The following RSU1 variants were observed in gnomAD, a reference collection of about 807,000 sequenced individuals.
The protein encoded by RSU1 is Ras suppressor protein 1, also known as rsu-1.
Under a neutral mutation model 31.1 loss-of-function variants are expected in RSU1, and 26 were observed. The observed-to-expected ratio is 0.84, with a 90% CI of 0.61 to 1.16. The LOEUF (loss-of-function observed/expected upper bound fraction) is 1.16. Ranked by LOEUF, RSU1 falls within the 50% of genes most tolerant of loss-of-function variation. The probability of loss-of-function intolerance (pLI) is 0.00; values close to 1 mark genes in which losing one functional copy is unlikely to be tolerated. For missense variants in RSU1, 320 were observed against 339.1 expected, an observed-to-expected ratio of 0.94 and a Z score of 0.44; for synonymous variants, 164 against 136.3, an observed-to-expected ratio of 1.20 and a Z score of -1.41.
At chr10:16,814,619 G>C (rs564025849) in intron 2 of RSU1, among the ~76,000 whole-genome samples, 2 of 152,136 alleles carry the variant, frequency 1.3e-5, no homozygotes, top group Non-Finnish European at 2.9e-5. Flanking sequence ...CCTAGGCTCC[G>C]AGAAGTCCTG....
chr10:16,674,697 T>G lies in RSU1; in HGVS notation c.731+20326A>C, dbSNP rs183677658. On this transcript the variant is annotated intron_variant, in intron 8 of 8. Coordinates refer to ENST00000345264, the MANE Select transcript of RSU1 (RefSeq NM_012425.4). ...AACTTTGCTGAGATGGCATTTGAAC[T>G]GAAACTTGAATGAGATAAGACAGCA... 3.9e-5 allele frequency among the ~76,000 whole-genome samples: 6 copies of G among 152,202 alleles called. No homozygotes were observed. In the East Asian group the frequency reaches 1.2e-3, roughly 29 times the overall value.
chr10:16,693,817 G>T (rs773168549), intron 8 of RSU1, among the ~76,000 whole-genome samples: 1 of 152,088 alleles, frequency 6.6e-6, no homozygotes, highest in Non-Finnish European at 1.5e-5. Flanking sequence ...AGCCGTGATT[G>T]TGCCACTGCA....
At position 16,592,971 on chromosome 10, in the gene RSU1, GAAGGAA is replaced by G; in HGVS notation, c.*417_*422del. On this transcript the variant is annotated 3_prime_UTR_variant, in exon 9 of 9. Transcript: ENST00000345264. Reference sequence around the variant, plus strand: ...AGTTAAATTAGCATATCTCGGTGGTGAAGGAAGACTTTTAATAAAGCAAAATAATGA... The same window carrying G: ...AGTTAAATTAGCATATCTCGGTGGTGGACTTTTAATAAAGCAAAATAATGA... 3 of 149,582 alleles carry G rather than the reference GAAGGAA, an allele frequency of 2.0e-5. No homozygotes were observed. The highest frequency in any genetic ancestry group is 2.2e-4 in the South Asian group (1 of 4,620). The allele number at this position is 149,582 out of a possible 1,614,324, so 9.3% of individuals were successfully genotyped here.
intron 7 of RSU1, among the ~76,000 whole-genome samples, chr10:16,741,393 A>G (rs1325781065): frequency 6.6e-6 from 1 of 152,234 alleles, no homozygotes; most frequent in African/African-American, 2.4e-5. Context: ...GGAGTGGGAA[A>G]GAAAAGGGTA....
chr10:16,692,016 C>G (rs1354561464), intron 8 of RSU1, among the ~76,000 whole-genome samples: 1 of 152,098 alleles, frequency 6.6e-6, no homozygotes, highest in African/African-American at 2.4e-5. Context: ...ACAATTCACC[C>G]CAAAGTGCTG....
intron 2 of RSU1, among the ~76,000 whole-genome samples, chr10:16,795,552 G>A (rs1199391306): frequency 6.6e-6 from 1 of 151,980 alleles, no homozygotes; most frequent in East Asian, 1.9e-4. Flanking sequence ...AGACACAAGA[G>A]GTTATGTAAC....
intron 3 of RSU1, among the ~76,000 whole-genome samples, chr10:16,781,534 CA>C (rs779393354): frequency 2.6e-5 from 4 of 152,350 alleles, no homozygotes; most frequent in Non-Finnish European, 4.4e-5. Flanking sequence ...CTTGTTCTAA[CA>C]ATTTCAAGTT....
At chr10:16,639,122 G>A (rs1212843232) in intron 8 of RSU1, among the ~76,000 whole-genome samples, 3 of 152,188 alleles carry the variant, frequency 2.0e-5, no homozygotes, top group Admixed American at 1.3e-4. Context: ...TCATGTAAAT[G>A]GAACTTCTGA....
intron 8 of RSU1, among the ~76,000 whole-genome samples, chr10:16,665,048 AT>A (rs1834962985): frequency 6.6e-6 from 1 of 152,082 alleles, no homozygotes; most frequent in African/African-American, 2.4e-5. Context: ...GGTTTAAGCA[AT>A]TCTCCTGCTT....
intron 3 of RSU1, among the ~76,000 whole-genome samples, chr10:16,767,778 G>A (rs1432172846): frequency 1.3e-5 from 2 of 151,940 alleles, no homozygotes; most frequent in South Asian, 2.1e-4. Flanking sequence ...GGAGAGGCAT[G>A]TTATTTAAAG....
At position 16,645,877 on chromosome 10, in the gene RSU1, T is replaced by C. The variant is rs373856987; in HGVS notation, c.731+49146A>G. ...AAATATATACGTATATATACATATA[T>C]GTGTATATACATATATGTATATACA... On this transcript the variant is annotated intron_variant, in intron 8 of 8. Coordinates refer to ENST00000345264, the MANE Select transcript of RSU1 (RefSeq NM_012425.4). Among the ~76,000 whole-genome samples, 47 of 108,048 alleles carry C rather than the reference T, an allele frequency of 4.3e-4. 7 individuals carry two copies. The East Asian group carries it at 5.8e-3, about 13-fold the overall frequency. The allele number at this position is 108,048 out of a possible 152,430, so 70.9% of individuals were successfully genotyped here. A position where few individuals can be genotyped will look rare whatever the true frequency, so the allele number is the denominator to read the frequency against.
chr10:16,596,537 G>A (rs1425202417), intron 8 of RSU1, among the ~76,000 whole-genome samples: 1 of 152,120 alleles, frequency 6.6e-6, no homozygotes, highest in African/African-American at 2.4e-5. Flanking sequence ...CCCCTCACCT[G>A]GCAGGAAGCA....
chr10:16,597,809 G>C (rs887913622), intron 8 of RSU1, among the ~76,000 whole-genome samples: 2 of 152,254 alleles, frequency 1.3e-5, no homozygotes, highest in African/African-American at 4.8e-5. Flanking sequence ...AACTAAGACA[G>C]AGCTAAATGC....
At chr10:16,699,587 G>A (rs940518804) in intron 7 of RSU1, among the ~76,000 whole-genome samples, 40 of 152,354 alleles carry the variant, frequency 2.6e-4, no homozygotes, top group Middle Eastern at 3.4e-3. Context: ...TGAGTTAGGA[G>A]CCCTCACCCA....
chr10:16,803,071 A>G (rs1472331867), intron 2 of RSU1, among the ~76,000 whole-genome samples: 1 of 152,138 alleles, frequency 6.6e-6, no homozygotes, highest in African/African-American at 2.4e-5. Context: ...TGCAGATTGG[A>G]AAGGATGAAT....
At chr10:16,763,415 AGC>A (rs1008114595) in intron 4 of RSU1, among the ~76,000 whole-genome samples, 4 of 152,180 alleles carry the variant, frequency 2.6e-5, no homozygotes, top group Non-Finnish European at 5.9e-5. Flanking sequence ...GGAGCAAGAC[AGC>A]ACAAGGGGGG....
chr10:16,710,922 T>G (rs1377097399), intron 7 of RSU1, among the ~76,000 whole-genome samples: 1 of 152,210 alleles, frequency 6.6e-6, no homozygotes, highest in Non-Finnish European at 1.5e-5. Context: ...CAATGTTTGA[T>G]TTTCTGTTCC....
At chr10:16,650,162 C>A (rs1231240538) in intron 8 of RSU1, among the ~76,000 whole-genome samples, 1 of 152,128 alleles carries the variant, frequency 6.6e-6, no homozygotes, top group Non-Finnish European at 1.5e-5. Flanking sequence ...CAGGCATGTC[C>A]ATTCTGTAAA....
At chr10:16,612,901 C>T (rs1441253115) in intron 8 of RSU1, among the ~76,000 whole-genome samples, 1 of 151,682 alleles carries the variant, frequency 6.6e-6, no homozygotes, top group Non-Finnish European at 1.5e-5. Context: ...CCTCCTCTTC[C>T]CCCTGGTTAT....
Sources: gnomAD v4.1 joint callset for allele counts (sites outside exome capture counted in the v4.1 genomes callset) on GRCh38, gnomAD v4.1.1 for gene constraint, MANE v1.5 for transcripts, NCBI Gene and HGNC (gene_info 2026-07-23, HGNC 2026-07-21) for gene names.